Variants in PELI2 observed in about 807,000 individuals in gnomAD.
PELI2 encodes the protein E3 ubiquitin-protein ligase pellino homolog 2.
Under a neutral mutation model 42.3 loss-of-function variants are expected in PELI2, and 23 were observed. The ratio of observed to expected loss-of-function variants is 0.54; its 90% CI spans 0.39 to 0.77. PELI2 has a LOEUF of 0.77. Among genes scored for constraint, PELI2 ranks in the 30% least tolerant of loss-of-function variants. The pLI is 0.00. For missense variants in PELI2, 463 were observed against 553.2 expected (o/e 0.84, Z 1.64); for synonymous variants, 245 against 212.2 (o/e 1.15, Z -1.34).
intron 2 of PELI2, among the ~76,000 whole-genome samples, chr14:56,277,130 G>A (rs1165709213): frequency 6.6e-6 from 1 of 152,134 alleles, no homozygotes; most frequent in East Asian, 1.9e-4. Flanking sequence ...GCGAGGAAGT[G>A]TCTCTAGGAC....
chr14:56,291,302 A>G (rs1019497829), intron 5 of PELI2, among the ~76,000 whole-genome samples: 2 of 152,350 alleles, frequency 1.3e-5, no homozygotes, highest in South Asian at 2.1e-4. Flanking sequence ...GATTTGACCT[A>G]GCACTTGTCA....
At chr14:56,227,363 G>A (rs1409369750) in intron 2 of PELI2, among the ~76,000 whole-genome samples, 2 of 152,222 alleles carry the variant, frequency 1.3e-5, no homozygotes, top group South Asian at 2.1e-4. Flanking sequence ...GCCTGGTGGT[G>A]GCAGTGAATG....
chr14:56,218,649 A>C (rs1312843366), intron 2 of PELI2, among the ~76,000 whole-genome samples: 2 of 152,182 alleles, frequency 1.3e-5, no homozygotes, highest in Non-Finnish European at 2.9e-5. Flanking sequence ...TGTTGCGGGT[A>C]ATGCCTTAAG....
At chr14:56,255,722 C>T (rs988284202) in intron 2 of PELI2, among the ~76,000 whole-genome samples, 1 of 152,098 alleles carries the variant, frequency 6.6e-6, no homozygotes, top group African/African-American at 2.4e-5. Context: ...GTACGTAGGG[C>T]CCACAGATTG....
intron 2 of PELI2, among the ~76,000 whole-genome samples, chr14:56,237,119 T>G (rs1039713559): frequency 6.6e-6 from 1 of 152,186 alleles, no homozygotes; most frequent in Non-Finnish European, 1.5e-5. Flanking sequence ...ACTTAAGCTT[T>G]GACTTCTAAT....
chr14:56,135,909 A>G (rs1162709403), intron 1 of PELI2, among the ~76,000 whole-genome samples: 1 of 152,126 alleles, frequency 6.6e-6, no homozygotes, highest in Non-Finnish European at 1.5e-5. Flanking sequence ...ATTTTTTTTA[A>G]AATTAGAGTT....
intron 2 of PELI2, among the ~76,000 whole-genome samples, chr14:56,268,730 G>A (rs184489121): frequency 6.6e-6 from 1 of 152,250 alleles, no homozygotes; most frequent in African/African-American, 2.4e-5. Context: ...GTAACCATGG[G>A]TGGTCCTTAC....
At chr14:56,245,478 A>G (rs973429970) in intron 2 of PELI2, among the ~76,000 whole-genome samples, 1 of 152,226 alleles carries the variant, frequency 6.6e-6, no homozygotes, top group African/African-American at 2.4e-5. Flanking sequence ...TTTTATAATT[A>G]TCTATCTGCA....
intron 2 of PELI2, among the ~76,000 whole-genome samples, chr14:56,268,774 C>T (rs144333796): frequency 6.6e-5 from 10 of 152,254 alleles, no homozygotes; most frequent in African/African-American, 2.2e-4. Flanking sequence ...CCAGCAGTTA[C>T]GATGCCTGCT....
intron 2 of PELI2, among the ~76,000 whole-genome samples, chr14:56,204,883 T>A (rs1289766598): frequency 6.6e-6 from 1 of 151,678 alleles, no homozygotes; most frequent in Non-Finnish European, 1.5e-5. Context: ...TACAAAAAAG[T>A]AGCCAGGCGT....
intron 1 of PELI2, among the ~76,000 whole-genome samples, chr14:56,125,235 A>G (rs948031610): frequency 6.6e-6 from 1 of 152,124 alleles, no homozygotes; most frequent in African/African-American, 2.4e-5. Flanking sequence ...GAGGACCAGC[A>G]CTGCTCCCAG....
intron 2 of PELI2, among the ~76,000 whole-genome samples, chr14:56,208,722 G>A (rs533396273): frequency 1.3e-5 from 2 of 152,162 alleles, no homozygotes; most frequent in Non-Finnish European, 2.9e-5. Context: ...TACATAGATA[G>A]AACTTTTGTC....
rs758516836 is a variant in PELI2 at position 56,166,041 on chromosome 14, A to G, written c.78-12294A>G. On this transcript the variant is annotated intron_variant, in intron 1 of 5. Coordinates refer to ENST00000267460, the MANE Select transcript of PELI2 (RefSeq NM_021255.3). ...TTGTTATTTATTTTGTGGTTGTTAC[A>G]TGGTCTTCTCTTCCTTCTTTTCTTC... 2.2e-4 allele frequency among the ~76,000 whole-genome samples: 34 copies of G among 152,226 alleles called. No homozygotes were observed. In the Middle Eastern group the frequency reaches 0.017, roughly 76 times the overall value.
At chr14:56,285,613 C>G (rs563701149) in intron 3 of PELI2, among the ~76,000 whole-genome samples, 1 of 151,982 alleles carries the variant, frequency 6.6e-6, no homozygotes, top group African/African-American at 2.4e-5. Flanking sequence ...AGAGATGGAC[C>G]GGCATATGCT....
chr14:56,193,677 T>G (rs1886031103), intron 2 of PELI2, among the ~76,000 whole-genome samples: 1 of 152,240 alleles, frequency 6.6e-6, no homozygotes, highest in African/African-American at 2.4e-5. Context: ...TGAGTTAATC[T>G]CAAATATGTT....
intron 1 of PELI2, among the ~76,000 whole-genome samples, chr14:56,164,513 T>C (rs1884880907): frequency 6.6e-6 from 1 of 152,166 alleles, no homozygotes; most frequent in South Asian, 2.1e-4. Flanking sequence ...TTTTTTGATG[T>C]GTCTTCATGT....
chr14:56,270,527 A>T (rs1330862073), intron 2 of PELI2, among the ~76,000 whole-genome samples: 2 of 152,218 alleles, frequency 1.3e-5, no homozygotes, highest in Non-Finnish European at 2.9e-5. Context: ...AATAGTCATT[A>T]GTTCTAGAAA....
intron 2 of PELI2, among the ~76,000 whole-genome samples, chr14:56,250,082 G>A (rs1218016073): frequency 6.6e-6 from 1 of 152,146 alleles, no homozygotes; most frequent in Non-Finnish European, 1.5e-5. Context: ...AAATGGGGCT[G>A]TATCCTCTCC....
chr14:56,124,793 G>A (rs565935451), intron 1 of PELI2, among the ~76,000 whole-genome samples: 51 of 152,304 alleles, frequency 3.3e-4, no homozygotes, highest in Admixed American at 1.9e-3. Flanking sequence ...AGTGCTTTCC[G>A]AAGAAGGTTT....
Sources: allele counts gnomAD v4.1 joint callset (sites outside exome capture counted in the v4.1 genomes callset), GRCh38; gene constraint gnomAD v4.1.1; transcripts MANE v1.5; gene names NCBI Gene and HGNC (gene_info 2026-07-23, HGNC 2026-07-21).